The following KLRD1 variants were observed in gnomAD, a reference collection of about 807,000 sequenced individuals.
KLRD1 encodes the protein natural killer cells antigen CD94.
In KLRD1, 21 loss-of-function variants were observed where a neutral mutation model predicts 22.6. The observed-to-expected ratio is 0.93, with a 90% CI of 0.66 to 1.34. The LOEUF (loss-of-function observed/expected upper bound fraction) is 1.34. Among genes scored for constraint, KLRD1 ranks in the 40% most tolerant of loss-of-function variants. The pLI is 0.00. For missense variants in KLRD1, 183 were observed against 208.6 expected, an observed-to-expected ratio of 0.88 and a Z score of 0.76; for synonymous variants, 59 against 71.1, an observed-to-expected ratio of 0.83 and a Z score of 0.85.
chr12:10,301,368 C>T (rs760659245), upstream of KLRD1, among the ~76,000 whole-genome samples: 1 of 152,096 alleles, frequency 6.6e-6, no homozygotes, highest in African/African-American at 2.4e-5. Flanking sequence ...GTGGAGGGCC[C>T]GGTGAGAAAC....
intron 1 of KLRD1, among the ~76,000 whole-genome samples, chr12:10,277,888 G>A (rs1483247531): frequency 6.6e-6 from 1 of 152,180 alleles, no homozygotes; most frequent in Admixed American, 6.5e-5. Flanking sequence ...GTGGACATCT[G>A]TATTTTACAT....
chr12:10,244,520 G>A (rs1178697854), intron 1 of KLRD1, among the ~76,000 whole-genome samples: 4 of 152,168 alleles, frequency 2.6e-5, no homozygotes, highest in Non-Finnish European at 5.9e-5. Flanking sequence ...GGTGGCTCAT[G>A]CCTGTAATCC....
At chr12:10,278,055 G>T (rs939259372) in intron 1 of KLRD1, among the ~76,000 whole-genome samples, 2 of 152,192 alleles carry the variant, frequency 1.3e-5, no homozygotes, top group African/African-American at 2.4e-5. Flanking sequence ...TGTTTCTTAT[G>T]CAGAGGCTTC....
chr12:10,263,281 T>C (rs895145879), intron 1 of KLRD1, among the ~76,000 whole-genome samples: 2 of 152,028 alleles, frequency 1.3e-5, no homozygotes, highest in Non-Finnish European at 2.9e-5. Context: ...ATGAACTATT[T>C]ATATGCTAAA....
chr12:10,252,529 C>G lies in KLRD1; in HGVS notation c.-101+26296C>G, dbSNP rs61919851. ...CAAAAAACAAACAAACAAACAAACCCCACCACATTCTCAAGTTATAAGAAG... is the reference window on the plus strand; with the variant it reads ...CAAAAAACAAACAAACAAACAAACCGCACCACATTCTCAAGTTATAAGAAG... On this transcript the variant is annotated intron_variant, in intron 1 of 5. Coordinates refer to the KLRD1 transcript ENST00000544747. Among the ~76,000 whole-genome samples, 514 of 152,024 alleles carry G rather than the reference C, an allele frequency of 3.4e-3. 1 individual carries two copies. Among genetic ancestry groups the G allele is most frequent in the Non-Finnish European group, 5.2e-3 (350 of 67,952 alleles).
rs1950290820 is a variant in KLRD1, at chr12:10,319,527, A to G, written c.*4734A>G. ...TTTCATTTCTGAGAATAGGTCATCA[A>G]AGATAGTATGACTTCCTTTTTCCTC... On this transcript the variant is annotated 3_prime_UTR_variant, in exon 6 of 6. Transcript: ENST00000336164. 1 of 152,226 alleles carries G rather than the reference A, an allele frequency of 6.6e-6. No individual in the cohort carries two copies. Among genetic ancestry groups the G allele is most frequent in the African/African-American group, 2.4e-5 (1 of 41,460 alleles). The allele number at this position is 152,226 out of a possible 1,614,324, so 9.4% of individuals were successfully genotyped here.
At chr12:10,256,323 T>C (rs1239884149) in intron 1 of KLRD1, among the ~76,000 whole-genome samples, 1 of 151,852 alleles carries the variant, frequency 6.6e-6, no homozygotes, top group Non-Finnish European at 1.5e-5. Context: ...CAATTACTGA[T>C]GGGGAAGGAC....
intron 1 of KLRD1, among the ~76,000 whole-genome samples, chr12:10,291,028 A>T (rs771633279): frequency 1.3e-5 from 2 of 152,236 alleles, no homozygotes; most frequent in Admixed American, 6.5e-5. Context: ...TTATTGCAAT[A>T]AAGCAAGTCA....
chr12:10,314,623 A>G, intron 5 of KLRD1, 50 bp from the exon 6 acceptor site: 1 of 1,478,480 alleles, frequency 6.8e-7, no homozygotes, highest in Admixed American at 2.5e-5. Flanking sequence ...AATGCCCTGA[A>G]CATTCTTACT....
chr12:10,260,606 G>T (rs866309329), intron 1 of KLRD1, among the ~76,000 whole-genome samples: 1 of 151,002 alleles, frequency 6.6e-6, no homozygotes, highest in African/African-American at 2.4e-5. Context: ...TTCAAGACCA[G>T]CCTGACCAAC....
intron 1 of KLRD1, among the ~76,000 whole-genome samples, chr12:10,277,796 A>G (rs1449678580): frequency 6.6e-6 from 1 of 152,200 alleles, no homozygotes; most frequent in East Asian, 1.9e-4. Flanking sequence ...ATGTTTTAGA[A>G]AAGTTTTAGA....
chr12:10,314,898 A>G lies in KLRD1; in HGVS notation c.*105A>G. The G allele has an allele frequency of 9.0e-7, 1 of 1,110,966 alleles. No homozygotes were observed. The allele number at this position is 1,110,966 out of a possible 1,614,324, so 68.8% of individuals were successfully genotyped here. On this transcript the variant is annotated 3_prime_UTR_variant, in exon 6 of 6. Transcript: ENST00000336164. Reference sequence around the variant, plus strand: ...TAATTGTCTACTTCTGGAGTCTATAAAATGTTTTTAAACAGTGTCATATAC... The same window carrying G: ...TAATTGTCTACTTCTGGAGTCTATAGAATGTTTTTAAACAGTGTCATATAC...
At chr12:10,263,525 C>G (rs754817406) in intron 1 of KLRD1, among the ~76,000 whole-genome samples, 2 of 151,952 alleles carry the variant, frequency 1.3e-5, no homozygotes, top group Non-Finnish European at 2.9e-5. Flanking sequence ...CTTAATGGTC[C>G]GTGGTCACGT....
chr12:10,311,697 G>A (rs1009932114), intron 4 of KLRD1, 82 bp downstream of exon 4: 9 of 1,330,246 alleles, frequency 6.8e-6, no homozygotes, highest in Non-Finnish European at 9.5e-6. Context: ...TTTGGTTTAA[G>A]TCATTAATCA....
intron 1 of KLRD1, among the ~76,000 whole-genome samples, chr12:10,277,209 A>G (rs1949600713): frequency 6.7e-6 from 1 of 149,656 alleles, no homozygotes; most frequent in Non-Finnish European, 1.5e-5. Context: ...ATGGAACTGT[A>G]GACTCACTGA....
At chr12:10,250,327 G>A (rs1020797628) in intron 1 of KLRD1, among the ~76,000 whole-genome samples, 1 of 151,192 alleles carries the variant, frequency 6.6e-6, no homozygotes, top group Admixed American at 6.6e-5. Context: ...ACCCAAAGGC[G>A]CCAGAGCCCT....
In KLRD1 at chr12:10,319,524, T is replaced by C. The variant is rs1950290774; in HGVS notation, c.*4731T>C. 1 of 152,210 alleles carries C rather than the reference T, an allele frequency of 6.6e-6. No homozygotes were observed. The highest frequency in any genetic ancestry group is 2.4e-5 in the African/African-American group (1 of 41,456). 9.4% of individuals were successfully genotyped at this position (152,210 alleles called of 1,614,324 possible). ...ATATTTCATTTCTGAGAATAGGTCA[T>C]CAAAGATAGTATGACTTCCTTTTTC... On this transcript the variant is annotated 3_prime_UTR_variant, in exon 6 of 6. Coordinates refer to ENST00000336164, the MANE Select transcript of KLRD1 (RefSeq NM_002262.5).
intron 1 of KLRD1, among the ~76,000 whole-genome samples, chr12:10,255,914 A>G (rs2537803): frequency 0.98 from 148,751 of 152,152 alleles, 72,801 homozygotes; most frequent in East Asian, 1. Flanking sequence ...ATTATTGGAC[A>G]TAGGCATTAC....
chr12:10,302,405 C>G (rs1199965680), upstream of KLRD1, among the ~76,000 whole-genome samples: 1 of 152,136 alleles, frequency 6.6e-6, no homozygotes, highest in Non-Finnish European at 1.5e-5. Flanking sequence ...GTAAGTGTCA[C>G]CCAGTGCAGC....
Sources: allele counts gnomAD v4.1 joint callset (sites outside exome capture counted in the v4.1 genomes callset), GRCh38; gene constraint gnomAD v4.1.1; transcripts MANE v1.5; gene names NCBI Gene and HGNC (gene_info 2026-07-23, HGNC 2026-07-21).